The following TENM2 variants were observed in gnomAD, a reference collection of about 807,000 sequenced individuals.
TENM2 encodes the protein teneurin transmembrane protein 2, also known as teneurin-2.
TENM2 carries 52 observed loss-of-function variants against 245.2 expected under a neutral mutation model. The observed-to-expected ratio is 0.21, with a 90% confidence interval of 0.17 to 0.27. The LOEUF is 0.27. Among genes scored for constraint, TENM2 ranks in the 10% least tolerant of loss-of-function variants. The pLI, the probability that TENM2 is intolerant of heterozygous loss-of-function variation, is 1.00. For missense variants in TENM2, 3,046 were observed against 3,666.8 expected (o/e 0.83, Z 4.37); for synonymous variants, 1,363 against 1,438.9 (o/e 0.95, Z 1.19).
intron 2 of TENM2, among the ~76,000 whole-genome samples, chr5:167,505,510 A>T (rs1464018974): frequency 6.6e-6 from 1 of 152,130 alleles, no homozygotes; most frequent in African/African-American, 2.4e-5. Flanking sequence ...ACTGAACTGT[A>T]GTTATTATAT....
rs1003798078 is a variant in TENM2 at position 168,186,873 on chromosome 5, A to C, written c.2570-3464A>C. 3.9e-5 allele frequency: 6 copies of C among 152,164 alleles called. No individual in the cohort carries two copies. In the East Asian group the frequency reaches 1.2e-3, roughly 29 times the overall value. 9.4% of individuals were successfully genotyped at this position (152,164 alleles called of 1,614,324 possible). A position where few individuals can be genotyped will look rare whatever the true frequency, so the allele number is the denominator to read the frequency against. On this transcript the variant is annotated intron_variant, in intron 13 of 28. Transcript: ENST00000518659. ...GACAGGGTAATTTACTGAAGATTGC[A>C]ATGTCAGACTCCATCCAAGGGGCTT...
intron 2 of TENM2, among the ~76,000 whole-genome samples, chr5:167,568,165 T>C (rs917095771): frequency 1.2e-4 from 18 of 152,204 alleles, no homozygotes; most frequent in African/African-American, 3.9e-4. Context: ...TTCTCGGCAA[T>C]GGGTGCTTAG....
At chr5:167,496,497 T>A (rs978309565) in intron 2 of TENM2, among the ~76,000 whole-genome samples, 3 of 152,132 alleles carry the variant, frequency 2.0e-5, no homozygotes, top group African/African-American at 7.2e-5. Context: ...TGTTGTTGTT[T>A]CTTGCTTTAG....
intron 2 of TENM2, among the ~76,000 whole-genome samples, chr5:167,569,654 G>T: frequency 6.6e-6 from 1 of 152,342 alleles, no homozygotes; most frequent in African/African-American, 2.4e-5. Flanking sequence ...TGCAAGGTTA[G>T]AAATTAGAGG....
chr5:167,994,950 G>A (rs967716429), intron 5 of TENM2, among the ~76,000 whole-genome samples: 1 of 152,208 alleles, frequency 6.6e-6, no homozygotes, highest in Non-Finnish European at 1.5e-5. Context: ...AGGGGGCTCC[G>A]TGGAAGCAAA....
the TENM2 span, among the ~76,000 whole-genome samples, chr5:167,048,221 T>C: frequency 1.3e-5 from 2 of 152,188 alleles, no homozygotes; most frequent in African/African-American, 4.8e-5. Flanking sequence ...AATCATAACA[T>C]TGATGGAATA....
rs529442024 is a variant in TENM2 at position 167,475,675 on chromosome 5, T to C, written c.502+100202T>C. ...CACCCTGCCCCACAACTGGCCCCAG[T>C]GTGTGATGTTCCCCTCCCTGTCCCC... On this transcript the variant is annotated intron_variant, in intron 2 of 28. Transcript: ENST00000518659. 2.6e-5 allele frequency among the ~76,000 whole-genome samples: 4 copies of C among 151,620 alleles called. No homozygotes were observed. The East Asian group carries it at 7.8e-4, about 30-fold the overall frequency.
At chr5:167,049,883 A>C in the TENM2 span, among the ~76,000 whole-genome samples, 26 of 152,320 alleles carry the variant, frequency 1.7e-4, no homozygotes, top group Non-Finnish European at 3.2e-4. Context: ...CTTAGGGACT[A>C]GTCATCTTTC....
chr5:167,385,848 A>G (rs2127349043), intron 2 of TENM2, among the ~76,000 whole-genome samples: 1 of 134,746 alleles, frequency 7.4e-6, no homozygotes, highest in South Asian at 2.5e-4. Flanking sequence ...GTATTCCATT[A>G]TATATATATG....
intron 2 of TENM2, among the ~76,000 whole-genome samples, chr5:167,437,605 T>TA: frequency 6.6e-6 from 1 of 152,118 alleles, no homozygotes; most frequent in East Asian, 1.9e-4. Context: ...AGATATGGTT[T>TA]GGCTGTGTCC....
At chr5:167,981,906 G>A (rs539110769) in intron 4 of TENM2, among the ~76,000 whole-genome samples, 9 of 151,520 alleles carry the variant, frequency 5.9e-5, no homozygotes, top group Admixed American at 1.3e-4. Flanking sequence ...CCTGGGAGGC[G>A]GAGGTTGCCA....
chr5:168,250,137 T>A (rs950395764), intron 27 of TENM2, among the ~76,000 whole-genome samples: 1 of 150,102 alleles, frequency 6.7e-6, no homozygotes, highest in Non-Finnish European at 1.5e-5. Flanking sequence ...GATGGATGGA[T>A]GGATGGATGG....
intron 5 of TENM2, among the ~76,000 whole-genome samples, chr5:168,008,407 A>G (rs1784985664): frequency 6.6e-6 from 1 of 152,248 alleles, no homozygotes; most frequent in African/African-American, 2.4e-5. Flanking sequence ...CTTCAAGTTC[A>G]TAAGCGGGAG....
At position 167,462,182 on chromosome 5, in the gene TENM2, C is replaced by CCG. The variant is rs1491565919; in HGVS notation, c.502+86710_502+86711insGC. ...AAACGGGAGAGTTCCCTGACCCCCACCCCCCCCCCCCATTGCAGGACATGC... is the reference window on the plus strand; with the variant it reads ...AAACGGGAGAGTTCCCTGACCCCCACCGCCCCCCCCCCCATTGCAGGACATGC... On this transcript the variant is annotated intron_variant, in intron 2 of 28. Coordinates refer to ENST00000518659, the Ensembl canonical transcript of TENM2. Among the ~76,000 whole-genome samples, 6 of 16,398 alleles carry CCG rather than the reference C, an allele frequency of 3.7e-4. 2 individuals are homozygous for CCG. Among genetic ancestry groups the CCG allele is most frequent in the African/African-American group, 1.0e-3 (6 of 6,026 alleles). 10.8% of individuals were successfully genotyped at this position (16,398 alleles called of 152,430 possible). A position where few individuals can be genotyped will look rare whatever the true frequency, so the allele number is the denominator to read the frequency against.
At chr5:167,044,691 C>G in the TENM2 span, among the ~76,000 whole-genome samples, 4 of 152,198 alleles carry the variant, frequency 2.6e-5, 1 homozygote, top group South Asian at 6.2e-4. Flanking sequence ...GGAGAACCAG[C>G]GGGGCTCATA....
chr5:167,101,849 T>TTATATATATATATATAAATA, the TENM2 span, among the ~76,000 whole-genome samples: 2 of 69,456 alleles, frequency 2.9e-5, no homozygotes, highest in African/African-American at 1.1e-4. Flanking sequence ...ATATATATAT[T>TTATATATATATATATAAATA]TATATATATA....
chr5:167,213,449 C>T, the TENM2 span, among the ~76,000 whole-genome samples: 1 of 152,232 alleles, frequency 6.6e-6, no homozygotes, highest in South Asian at 2.1e-4. Flanking sequence ...TAATTCCATT[C>T]GTAAGCACTC....
At chr5:167,802,067 G>A (rs973756455) in intron 2 of TENM2, among the ~76,000 whole-genome samples, 7 of 152,104 alleles carry the variant, frequency 4.6e-5, no homozygotes, top group African/African-American at 1.2e-4. Flanking sequence ...TCCTCACGTG[G>A]TGGAAGACCT....
chr5:167,146,285 A>G, the TENM2 span, among the ~76,000 whole-genome samples: 79 of 152,312 alleles, frequency 5.2e-4, no homozygotes, highest in Admixed American at 1.2e-3. Context: ...CAGAAATTTC[A>G]TTAACTAAGA....
Sources: gnomAD v4.1 joint callset for allele counts (sites outside exome capture counted in the v4.1 genomes callset) on GRCh38, gnomAD v4.1.1 for gene constraint, MANE v1.5 for transcripts, NCBI Gene and HGNC (gene_info 2026-07-23, HGNC 2026-07-21) for gene names.